ARMH1: variants seen among roughly 807,000 people sequenced by gnomAD.
ARMH1 encodes the protein armadillo like helical domain containing 1.
Under a neutral mutation model 50.2 loss-of-function variants are expected in ARMH1, and 34 were observed. The ratio of observed to expected loss-of-function variants is 0.68; its 90% confidence interval spans 0.51 to 0.90. The LOEUF is 0.90. Among genes scored for constraint, ARMH1 ranks in the 40% least tolerant of loss-of-function variants. ARMH1 has a pLI of 0.00. For missense variants in ARMH1, 538 were observed against 553.9 expected (o/e 0.97, Z 0.29); for synonymous variants, 221 against 224.2 (o/e 0.99, Z 0.13).
intron 6 of ARMH1, among the ~76,000 whole-genome samples, chr1:44,710,403 A>G (rs1646550503): frequency 6.6e-6 from 1 of 152,034 alleles, no homozygotes; most frequent in Non-Finnish European, 1.5e-5. Context: ...AGGTCAGGAG[A>G]TCGAGACCAT....
chr1:44,680,366 G>A (rs566583938), intron 1 of ARMH1, among the ~76,000 whole-genome samples: 6 of 152,266 alleles, frequency 3.9e-5, no homozygotes, highest in African/African-American at 9.6e-5. Flanking sequence ...TAGTAGAGAC[G>A]GGATTTCACT....
chr1:44,711,578 T>C lies in ARMH1; in HGVS notation c.724+7405T>C, dbSNP rs868276867. ...CTAGTTTCTGTGCTCATCAAATATA[T>C]GGTTTCTCCCATTCTGTAGGTTCTT... On this transcript the variant is annotated intron_variant, in intron 6 of 11. Transcript: ENST00000535358. 5.3e-5 allele frequency among the ~76,000 whole-genome samples: 8 copies of C among 152,356 alleles called. No homozygotes were observed. The South Asian group carries it at 1.0e-3, about 20-fold the overall frequency.
At position 44,712,717 on chromosome 1, in the gene ARMH1, G is replaced by A. The variant is rs564173516; in HGVS notation, c.724+8544G>A. On this transcript the variant is annotated intron_variant, in intron 6 of 11. Coordinates refer to ENST00000535358, the MANE Select transcript of ARMH1 (RefSeq NM_001145636.2). ...CTTGCTCTGTTGCCCAGGCTGGAGT[G>A]CAGTGGTGCGATCTTGGCTCACTGG... Among the ~76,000 whole-genome samples the A allele has an allele frequency of 1.0e-3, 150 of 150,026 alleles. 1 individual carries two copies. Among genetic ancestry groups the A allele is most frequent in the African/African-American group, 3.5e-3 (143 of 40,764 alleles).
chr1:44,712,199 C>T (rs1219588650), intron 6 of ARMH1, among the ~76,000 whole-genome samples: 2 of 152,212 alleles, frequency 1.3e-5, no homozygotes, highest in Non-Finnish European at 2.9e-5. Context: ...GGGCTCTCAC[C>T]TGTAATCCCA....
At chr1:44,680,989 C>T (rs1052628873) in intron 1 of ARMH1, among the ~76,000 whole-genome samples, 4 of 150,392 alleles carry the variant, frequency 2.7e-5, no homozygotes, top group East Asian at 1.9e-4. Context: ...TGCCCCCTTC[C>T]GATCCCCTTT....
At chr1:44,692,522 C>A (rs1022097741) in intron 2 of ARMH1, among the ~76,000 whole-genome samples, 1 of 152,126 alleles carries the variant, frequency 6.6e-6, no homozygotes, top group Admixed American at 6.5e-5. Context: ...ATATTTCTAA[C>A]ATGTAGCACA....
At chr1:44,713,439 C>G (rs1006847285) in intron 6 of ARMH1, among the ~76,000 whole-genome samples, 2 of 152,026 alleles carry the variant, frequency 1.3e-5, no homozygotes, top group Admixed American at 1.3e-4. Flanking sequence ...GTAATTTTAG[C>G]CTTTCCTGCT....
In ARMH1 at chr1:44,724,958, C is replaced by A; in HGVS notation, c.1128+119C>A. 1 of 1,497,966 alleles carries A rather than the reference C, an allele frequency of 6.7e-7. No individual in the cohort carries two copies. Among genetic ancestry groups the A allele is most frequent in the South Asian group, 1.3e-5 (1 of 75,334 alleles). 92.8% of individuals were successfully genotyped at this position (1,497,966 alleles called of 1,614,324 possible). A position where few individuals can be genotyped will look rare whatever the true frequency, so the allele number is the denominator to read the frequency against. ...CATGCAGAGTGGACCTGGCCACCAGCTGCAGGAGGGACTGCTCTGGCGTAG... is the reference window on the plus strand; with the variant it reads ...CATGCAGAGTGGACCTGGCCACCAGATGCAGGAGGGACTGCTCTGGCGTAG... On this transcript the variant is annotated intron_variant, in intron 10 of 11. Coordinates refer to ENST00000535358, the MANE Select transcript of ARMH1 (RefSeq NM_001145636.2). The surrounding 1 kb of genome is among the most constrained non-coding windows in gnomAD (Gnocchi z 6.4).
At position 44,721,762 on chromosome 1, in the gene ARMH1, T is replaced by G. The variant is rs370660739; in HGVS notation, c.725-2360T>G. 4 of 152,198 alleles carry G rather than the reference T, an allele frequency of 2.6e-5. No homozygotes were observed. In the East Asian group the frequency reaches 7.7e-4, roughly 29 times the overall value. 9.4% of individuals were successfully genotyped at this position (152,198 alleles called of 1,614,324 possible). Reference sequence around the variant, plus strand: ...AAGCATGAAACACCCCACCCACACGTCTCTCTTTAGTAACAGAACATTCAG... The same window carrying G: ...AAGCATGAAACACCCCACCCACACGGCTCTCTTTAGTAACAGAACATTCAG... On this transcript the variant is annotated intron_variant, in intron 6 of 11. Coordinates refer to ENST00000535358, the MANE Select transcript of ARMH1 (RefSeq NM_001145636.2).
intron 2 of ARMH1, among the ~76,000 whole-genome samples, chr1:44,691,969 G>A (rs1399607224): frequency 2.0e-5 from 3 of 152,202 alleles, no homozygotes; most frequent in African/African-American, 7.2e-5. Flanking sequence ...CCGTCAAGGT[G>A]ATAGTTCAAG....
intron 1 of ARMH1, chr1:44,684,788 T>G (rs1239613454): frequency 6.6e-6 from 1 of 152,230 alleles, no homozygotes; most frequent in Non-Finnish European, 1.5e-5. Flanking sequence ...GAAGTTGGAC[T>G]CTGTAGGCCT....
chr1:44,678,745 C>T (rs552875464), intron 1 of ARMH1, among the ~76,000 whole-genome samples: 2 of 152,230 alleles, frequency 1.3e-5, no homozygotes, highest in African/African-American at 4.8e-5. Flanking sequence ...AGGCTGGCAA[C>T]CCATGCCTTG....
At chr1:44,711,080 G>A (rs1278619356) in intron 6 of ARMH1, among the ~76,000 whole-genome samples, 2 of 152,184 alleles carry the variant, frequency 1.3e-5, no homozygotes, top group Non-Finnish European at 2.9e-5. Flanking sequence ...ACCACAATTT[G>A]TTTATCCATT....
chr1:44,691,313 T>C (rs1316099566), intron 2 of ARMH1, among the ~76,000 whole-genome samples: 3 of 151,956 alleles, frequency 2.0e-5, no homozygotes, highest in African/African-American at 7.3e-5. Context: ...CTGTCTCCAC[T>C]TCCTCTCCTC....
At chr1:44,709,457 G>T (rs888324008) in intron 6 of ARMH1, among the ~76,000 whole-genome samples, 20 of 152,132 alleles carry the variant, frequency 1.3e-4, no homozygotes, top group Admixed American at 3.3e-4. Context: ...CGGATCACGA[G>T]GTCAGGAGAT....
chr1:44,677,401 G>A (rs1003162123), intron 1 of ARMH1, among the ~76,000 whole-genome samples: 8 of 152,288 alleles, frequency 5.3e-5, no homozygotes, highest in African/African-American at 1.9e-4. Context: ...TACAATGGAA[G>A]GACAAAGGAC....
intron 6 of ARMH1, among the ~76,000 whole-genome samples, chr1:44,710,472 G>A (rs1483328223): frequency 2.6e-5 from 4 of 151,894 alleles, no homozygotes; most frequent in Admixed American, 2.0e-4. Context: ...AGCCGGGCGT[G>A]GTGGTGGGCG....
intron 4 of ARMH1, among the ~76,000 whole-genome samples, chr1:44,700,367 C>T (rs1026086780): frequency 1.6e-4 from 24 of 152,102 alleles, no homozygotes; most frequent in Non-Finnish European, 4.4e-5. Context: ...CCTCTAATCC[C>T]AACACTTCGG....
chr1:44,692,608 T>G (rs1172993183), intron 2 of ARMH1, among the ~76,000 whole-genome samples: 1 of 152,184 alleles, frequency 6.6e-6, no homozygotes, highest in Non-Finnish European at 1.5e-5. Flanking sequence ...AAGGTTTAAG[T>G]AAACACTGCT....
Sources: allele counts gnomAD v4.1 joint callset (sites outside exome capture counted in the v4.1 genomes callset), GRCh38; gene constraint gnomAD v4.1.1; non-coding constraint Gnocchi (gnomAD v3.1); transcripts MANE v1.5; gene names NCBI Gene and HGNC (gene_info 2026-07-23, HGNC 2026-07-21).